PRKN: variants seen among roughly 807,000 people sequenced by gnomAD.
PRKN encodes parkin RBR E3 ubiquitin protein ligase.
Under a neutral mutation model 59.5 loss-of-function variants are expected in PRKN, and 56 were observed. That is an observed-to-expected ratio of 0.94 (90% CI 0.76 to 1.18). The LOEUF (loss-of-function observed/expected upper bound fraction) is 1.18. PRKN is among the 50% of genes most tolerant of loss of function. The probability of loss-of-function intolerance (pLI) is 0.00; values close to 1 mark genes in which losing one functional copy is unlikely to be tolerated. For synonymous variants in PRKN, 250 were observed against 222.1 expected (o/e 1.13, Z -1.12); for missense variants, 657 against 596.4 (o/e 1.10, Z -1.06).
chr6:162,330,457 T>C (rs951607490), intron 2 of PRKN, among the ~76,000 whole-genome samples: 1 of 152,224 alleles, frequency 6.6e-6, no homozygotes, highest in African/African-American at 2.4e-5. Flanking sequence ...CCTTTGTTTC[T>C]GTTATATATC....
At chr6:162,007,213 T>C (rs1311645295) in intron 5 of PRKN, among the ~76,000 whole-genome samples, 2 of 152,206 alleles carry the variant, frequency 1.3e-5, no homozygotes, top group East Asian at 3.9e-4. Context: ...GCTCTCAGGA[T>C]ACAGTGCAGT....
intron 6 of PRKN, among the ~76,000 whole-genome samples, chr6:161,946,826 A>C (rs1489274112): frequency 2.6e-5 from 4 of 152,216 alleles, no homozygotes; most frequent in African/African-American, 4.8e-5. Context: ...AATAAATTAC[A>C]GTACAATGGA....
intron 4 of PRKN, among the ~76,000 whole-genome samples, chr6:162,173,652 C>A (rs889354854): frequency 6.6e-6 from 1 of 151,852 alleles, no homozygotes; most frequent in Non-Finnish European, 1.5e-5. Context: ...AATTTGATGC[C>A]CTCATTTCCT....
Position 162,054,128 on chromosome 6 carries a change from C to T in PRKN, c.581G>A (p.Gly194Asp), listed in dbSNP as rs773550500. The change falls in exon 5 of 12, where the codon GGT becomes GAT. Residue 194 changes from glycine (G) to aspartate (D), a missense_variant. Coordinates refer to ENST00000366898, the MANE Select transcript of PRKN (RefSeq NM_004562.3). ...AGGGCAGTGTGGGGATTGGCATTCACCACTCATCCGGTTTGGAATTAAAAC... is the reference window on the plus strand; with the variant it reads ...AGGGCAGTGTGGGGATTGGCATTCATCACTCATCCGGTTTGGAATTAAAAC... ...DDVLIPNRMS[G>D]ECQSPHCPGT... 1.2e-6 allele frequency: 2 copies of T among 1,613,650 alleles called. No individual in the cohort carries two copies. Among genetic ancestry groups the T allele is most frequent in the Non-Finnish European group, 1.7e-6 (2 of 1,179,564 alleles).
chr6:162,363,362 C>A (rs111597242), intron 2 of PRKN, among the ~76,000 whole-genome samples: 1 of 96,246 alleles, frequency 1.0e-5, no homozygotes, highest in African/African-American at 6.5e-5. Flanking sequence ...ACTACTAACC[C>A]CCTTTCTGTA....
At chr6:162,719,348 C>T (rs1328273885) in intron 1 of PRKN, among the ~76,000 whole-genome samples, 1 of 152,074 alleles carries the variant, frequency 6.6e-6, no homozygotes, top group African/African-American at 2.4e-5. Flanking sequence ...ATCTGTACCT[C>T]TCACACTCTG....
chr6:161,349,748 A>G lies in PRKN; in HGVS notation c.*351T>C, dbSNP rs1251857080. The G allele has an allele frequency of 2.3e-6, 1 of 441,602 alleles. No individual in the cohort carries two copies. The highest frequency in any genetic ancestry group is 3.7e-5 in the Admixed American group (1 of 27,160). 27.4% of individuals were successfully genotyped at this position (441,602 alleles called of 1,614,324 possible). A position where few individuals can be genotyped will look rare whatever the true frequency, so the allele number is the denominator to read the frequency against. ...TCTCGAATTCAGGTGAGAATGACCC[A>G]TACAGATACATGGATTGCACTTGAA... On this transcript the variant is annotated 3_prime_UTR_variant, in exon 12 of 12. Transcript: ENST00000366898. The surrounding 1 kb of genome is among the most constrained non-coding windows in gnomAD (Gnocchi z 5.5).
intron 7 of PRKN, among the ~76,000 whole-genome samples, chr6:161,601,803 G>C (rs1052445935): frequency 4.6e-5 from 7 of 151,980 alleles, no homozygotes; most frequent in Non-Finnish European, 1.0e-4. Flanking sequence ...AGGATGGTCT[G>C]GATCTCCTGA....
chr6:161,727,336 C>T (rs957150496), intron 7 of PRKN, among the ~76,000 whole-genome samples: 1 of 152,142 alleles, frequency 6.6e-6, no homozygotes, highest in South Asian at 2.1e-4. Context: ...GCTCAGAGCA[C>T]ACAGTGAGCC....
At chr6:162,465,341 G>C (rs775477123) in intron 1 of PRKN, among the ~76,000 whole-genome samples, 13 of 152,080 alleles carry the variant, frequency 8.5e-5, no homozygotes, top group Non-Finnish European at 1.6e-4. Flanking sequence ...ACCTCAGTTT[G>C]TGGCCACCTA....
intron 9 of PRKN, among the ~76,000 whole-genome samples, chr6:161,415,605 C>A (rs1308201770): frequency 7.9e-5 from 7 of 89,094 alleles, no homozygotes; most frequent in Admixed American, 1.0e-4. Context: ...CCCCCCCCCC[C>A]CCGACCCCCC....
intron 7 of PRKN, among the ~76,000 whole-genome samples, chr6:161,777,252 T>C (rs1789963127): frequency 6.6e-6 from 1 of 152,190 alleles, no homozygotes; most frequent in South Asian, 2.1e-4. Context: ...TTTTTGAATT[T>C]TAGGGAAATA....
At chr6:162,449,235 C>A (rs548169210) in intron 1 of PRKN, among the ~76,000 whole-genome samples, 22 of 152,264 alleles carry the variant, frequency 1.4e-4, no homozygotes, top group Admixed American at 2.6e-4. Flanking sequence ...GATATCTACA[C>A]GGATGTCCAG....
At chr6:162,311,463 G>C (rs940329607) in intron 2 of PRKN, among the ~76,000 whole-genome samples, 4 of 148,158 alleles carry the variant, frequency 2.7e-5, no homozygotes, top group African/African-American at 9.9e-5. Context: ...ACTTGTTTAA[G>C]TAATAATAAT....
intron 4 of PRKN, among the ~76,000 whole-genome samples, chr6:162,069,941 C>T (rs548266184): frequency 7.1e-4 from 108 of 152,264 alleles, no homozygotes; most frequent in African/African-American, 1.8e-3. Flanking sequence ...TAAATTCCAG[C>T]CAGTCTCCAA....
chr6:162,298,129 AC>A (rs1317492502), intron 2 of PRKN, among the ~76,000 whole-genome samples: 1 of 152,116 alleles, frequency 6.6e-6, no homozygotes, highest in East Asian at 1.9e-4. Context: ...TTGGGTTTTG[AC>A]AAGGGGAGGT....
chr6:162,087,184 G>A (rs554577314), intron 4 of PRKN, among the ~76,000 whole-genome samples: 5 of 152,240 alleles, frequency 3.3e-5, no homozygotes, highest in Admixed American at 3.3e-4. Flanking sequence ...TTTAATGTAA[G>A]CACCACTTAC....
intron 7 of PRKN, among the ~76,000 whole-genome samples, chr6:161,617,818 C>A (rs1311340888): frequency 6.6e-6 from 1 of 152,208 alleles, no homozygotes. Context: ...TCCCAGGAAG[C>A]CAGTGCCAGA....
At chr6:162,201,899 A>C (rs1784745763) in intron 3 of PRKN, among the ~76,000 whole-genome samples, 1 of 152,198 alleles carries the variant, frequency 6.6e-6, no homozygotes, top group Admixed American at 6.5e-5. Flanking sequence ...TTCAAGAGTA[A>C]AAGGTGAACA....
Sources: allele counts gnomAD v4.1 joint callset (sites outside exome capture counted in the v4.1 genomes callset), GRCh38; gene constraint gnomAD v4.1.1; non-coding constraint Gnocchi (gnomAD v3.1); transcripts MANE v1.5; gene names NCBI Gene and HGNC (gene_info 2026-07-23, HGNC 2026-07-21).